LYSET: variants seen among roughly 807,000 people sequenced by gnomAD.
LYSET encodes lysosomal enzyme trafficking factor, also known as GNPTAB cleavage and activity factor.
the LYSET span, among the ~76,000 whole-genome samples, chr14:93,185,743 T>G: frequency 2.6e-5 from 4 of 152,192 alleles, no homozygotes; most frequent in Non-Finnish European, 5.9e-5. Context: ...TTTTGTTTTT[T>G]TGTGTGTGTT....
the LYSET span, among the ~76,000 whole-genome samples, chr14:93,185,771 G>A: frequency 6.6e-6 from 1 of 151,756 alleles, no homozygotes; most frequent in African/African-American, 2.4e-5. Flanking sequence ...TTGATTGTAA[G>A]TATTACACAA....
At chr14:93,187,228 T>C in the LYSET span, 1 of 159,642 alleles carries the variant, frequency 6.3e-6, no homozygotes. Context: ...ATAAGCAGAA[T>C]TTGTTCTTCC....
the LYSET span, chr14:93,185,250 G>C: frequency 1.5e-5 from 8 of 537,262 alleles, no homozygotes; most frequent in South Asian, 8.2e-5. Flanking sequence ...TTCTCAGAGC[G>C]GGTCTCCGGC....
At chr14:93,187,743 G>T in the LYSET span, among the ~76,000 whole-genome samples, 2 of 152,032 alleles carry the variant, frequency 1.3e-5, no homozygotes, top group Non-Finnish European at 1.5e-5. Flanking sequence ...CCACCTCTCG[G>T]GTTTAAGCGA....
the LYSET span, chr14:93,186,800 A>T: frequency 1.0e-6 from 1 of 971,242 alleles, no homozygotes; most frequent in Non-Finnish European, 1.5e-6. Context: ...AAAACATGTG[A>T]TTAGGGAGCT....
the LYSET span, chr14:93,185,298 A>G: frequency 1.9e-6 from 2 of 1,047,240 alleles, no homozygotes; most frequent in Non-Finnish European, 2.8e-6. Flanking sequence ...GACCCGCCGC[A>G]GTCACGCCGT....
chr14:93,187,670 C>T, the LYSET span, among the ~76,000 whole-genome samples: 1 of 152,100 alleles, frequency 6.6e-6, no homozygotes, highest in African/African-American at 2.4e-5. Flanking sequence ...CTTGCTTTGT[C>T]ACCCAGGATG....
chr14:93,185,658 A>G, the LYSET span, among the ~76,000 whole-genome samples: 1 of 152,164 alleles, frequency 6.6e-6, no homozygotes, highest in Admixed American at 6.5e-5. Flanking sequence ...GGACCTGTTT[A>G]AGTAGGATGC....
the LYSET span, chr14:93,185,513 C>T: frequency 4.4e-6 from 7 of 1,589,480 alleles, no homozygotes; most frequent in South Asian, 3.3e-5. Flanking sequence ...ACTGTCTTAA[C>T]TTGGGGGCTT....
the LYSET span, chr14:93,186,657 C>T: frequency 6.3e-7 from 1 of 1,595,686 alleles, no homozygotes; most frequent in South Asian, 1.1e-5. Flanking sequence ...CAGACTACAA[C>T]TGATTGACAC....
At chr14:93,185,625 A>AG in the LYSET span, 1 of 682,132 alleles carries the variant, frequency 1.5e-6, no homozygotes, top group East Asian at 2.7e-5. Context: ...GTTTAATTCC[A>AG]GTTTCTGGAG....
At chr14:93,185,138 T>C in the LYSET span, 3 of 152,036 alleles carry the variant, frequency 2.0e-5, no homozygotes, top group African/African-American at 7.3e-5. Context: ...TGGCGCCGCC[T>C]GCGCAGCCTT....
the LYSET span, chr14:93,186,650 A>C: frequency 6.2e-7 from 1 of 1,600,092 alleles, no homozygotes; most frequent in Non-Finnish European, 8.5e-7. Context: ...AGATCAGCAG[A>C]CTACAACTGA....
At chr14:93,187,651 A>G in the LYSET span, among the ~76,000 whole-genome samples, 2 of 152,140 alleles carry the variant, frequency 1.3e-5, no homozygotes, top group African/African-American at 4.8e-5. Flanking sequence ...ATTATTTTTG[A>G]GACGGAGCCT....
At chr14:93,185,238 G>A in the LYSET span, 1 of 462,814 alleles carries the variant, frequency 2.2e-6, no homozygotes, top group Non-Finnish European at 3.7e-6. Flanking sequence ...TGCCGGGTCA[G>A]GTTCTCAGAG....
At chr14:93,186,410 C>T in the LYSET span, 1 of 1,614,168 alleles carries the variant, frequency 6.2e-7, no homozygotes, top group Non-Finnish European at 8.5e-7. Context: ...TTCAACAGCA[C>T]CCTGAGGAGC....
At chr14:93,186,538 C>T in the LYSET span, 2 of 1,614,202 alleles carry the variant, frequency 1.2e-6, no homozygotes, top group Non-Finnish European at 1.7e-6. Context: ...TTCCTATACT[C>T]TTGTACAAGA....
the LYSET span, chr14:93,186,281 G>A: frequency 6.2e-7 from 1 of 1,613,976 alleles, no homozygotes; most frequent in Non-Finnish European, 8.5e-7. Context: ...GGAGAATGAT[G>A]AACTTCCGTC....
At chr14:93,187,537 G>A in the LYSET span, among the ~76,000 whole-genome samples, 2 of 152,128 alleles carry the variant, frequency 1.3e-5, no homozygotes, top group African/African-American at 4.8e-5. Context: ...AAGAAACTAA[G>A]TGTTAAATGT....
Sources: gnomAD v4.1 joint callset for allele counts (sites outside exome capture counted in the v4.1 genomes callset) on GRCh38, gnomAD v4.1.1 for gene constraint, MANE v1.5 for transcripts, NCBI Gene and HGNC (gene_info 2026-07-23, HGNC 2026-07-21) for gene names.